The following FHL2 variants were observed in gnomAD, a reference collection of about 807,000 sequenced individuals.
FHL2 encodes four and a half LIM domains protein 2.
Under a neutral mutation model 32.7 loss-of-function variants are expected in FHL2, and 20 were observed. The observed-to-expected ratio is 0.61, with a 90% CI of 0.43 to 0.89. The LOEUF (loss-of-function observed/expected upper bound fraction) is 0.89, where lower values mean the gene tolerates loss of function less well. Ranked by LOEUF, FHL2 falls within the 40% of genes least tolerant of loss-of-function variation. The pLI is 0.00. For synonymous variants in FHL2, 123 were observed against 128.1 expected (o/e 0.96, Z 0.27); for missense variants, 311 against 358.6 (o/e 0.87, Z 1.07).
At chr2:105,358,656 C>T (rs1680105247), downstream of FHL2, 1 of 152,210 alleles carries the variant, frequency 6.6e-6, no homozygotes, top group South Asian at 2.1e-4. Flanking sequence ...TTGTATGCTT[C>T]TGGGGAAATT....
At chr2:105,433,462 G>A (rs555206609) in intron 1 of FHL2, among the ~76,000 whole-genome samples, 16 of 152,266 alleles carry the variant, frequency 1.1e-4, no homozygotes, top group Admixed American at 3.3e-4. Context: ...GATTACAGGC[G>A]TGAGCCACCG....
intron 2 of FHL2, among the ~76,000 whole-genome samples, chr2:105,388,412 A>G (rs1202203792): frequency 6.6e-6 from 1 of 152,164 alleles, no homozygotes; most frequent in African/African-American, 2.4e-5. Flanking sequence ...AAAGCCTACC[A>G]CAGGAATAGC....
chr2:105,398,503 C>T, intron 1 of FHL2, among the ~76,000 whole-genome samples: 1 of 152,200 alleles, frequency 6.6e-6, no homozygotes, highest in Non-Finnish European at 1.5e-5. Flanking sequence ...CGTCACCTCC[C>T]CGCAGCCGCC....
chr2:105,384,252 C>T (rs1682124367), intron 3 of FHL2, among the ~76,000 whole-genome samples: 1 of 152,258 alleles, frequency 6.6e-6, no homozygotes, highest in South Asian at 2.1e-4. Flanking sequence ...ATATTTTTCT[C>T]GGGCTATCTA....
chr2:105,418,433 A>C (rs891149025), intron 1 of FHL2, among the ~76,000 whole-genome samples: 5 of 51,914 alleles, frequency 9.6e-5, no homozygotes, highest in Admixed American at 2.5e-4. Flanking sequence ...AACATCAACA[A>C]AAAAAAAACA....
chr2:105,397,012 T>C, intron 1 of FHL2: 1 of 150,982 alleles, frequency 6.6e-6, no homozygotes, highest in Admixed American at 8.5e-5. Context: ...TCTAGTCTGT[T>C]TTTTTTTTTT....
In FHL2 at chr2:105,390,252, AAG is replaced by A. The variant is rs570006904; in HGVS notation, c.-24-3714_-24-3713del. The A allele has an allele frequency of 6.8e-3, 1,051 of 153,618 alleles. 6 individuals carry two copies. Among genetic ancestry groups the A allele is most frequent in the Non-Finnish European group, 9.7e-3 (661 of 68,250 alleles). 9.5% of individuals were successfully genotyped at this position (153,618 alleles called of 1,614,324 possible). A position where few individuals can be genotyped will look rare whatever the true frequency, so the allele number is the denominator to read the frequency against. On this transcript the variant is annotated intron_variant, in intron 2 of 6. Coordinates refer to ENST00000530340, the MANE Select transcript of FHL2 (RefSeq NM_001318895.3). ...TCTAAAAAAATAAAAAAATAAATCT[AAG>A]AGAATAAACTCTGAAAATAAGTAGG...
At chr2:105,401,544 T>C (rs1471896974), upstream of FHL2, among the ~76,000 whole-genome samples, 2 of 152,236 alleles carry the variant, frequency 1.3e-5, no homozygotes, top group Non-Finnish European at 2.9e-5. Context: ...GGAAATTATC[T>C]TGTAGATATA....
At chr2:105,397,136 T>C (rs1683195335) in intron 1 of FHL2, among the ~76,000 whole-genome samples, 1 of 150,584 alleles carries the variant, frequency 6.6e-6, no homozygotes, top group Non-Finnish European at 1.5e-5. Flanking sequence ...TAAGGCCTCA[T>C]AGAAATATTC....
intron 1 of FHL2, among the ~76,000 whole-genome samples, chr2:105,437,879 C>T (rs1286975139): frequency 1.3e-5 from 2 of 152,152 alleles, no homozygotes; most frequent in Non-Finnish European, 2.9e-5. Flanking sequence ...TGCGAAGAGT[C>T]ATGTTGCATA....
chr2:105,433,968 C>T (rs1684514726), intron 1 of FHL2, among the ~76,000 whole-genome samples: 1 of 152,032 alleles, frequency 6.6e-6, no homozygotes, highest in Non-Finnish European at 1.5e-5. Context: ...AAGTCATTAC[C>T]CACCCCTCAA....
At chr2:105,399,705 C>T (rs1340559306), upstream of FHL2, 21 of 1,358,166 alleles carry the variant, frequency 1.5e-5, no homozygotes, top group Non-Finnish European at 1.9e-5. Flanking sequence ...AAGCCCGGGC[C>T]CTCTGCGTGA....
chr2:105,414,197 G>A (rs150259405), intron 1 of FHL2, among the ~76,000 whole-genome samples: 13 of 152,286 alleles, frequency 8.5e-5, no homozygotes, highest in East Asian at 5.8e-4. Context: ...GGAAAGACAC[G>A]TGGAGCTTCT....
Position 105,361,319 on chromosome 2 carries a change from G to A in FHL2, c.804C>T (p.Asp268=), listed in dbSNP as rs3087523. ...TCCCACAGTCGGGGCACAGGATGTC[G>A]TCCCTCTCTGTGAGGAAGCCACGCC... The part of the protein sequence containing the change: ...LVGRGFLTER[D]DILCPDCGKD... Residue 268 remains aspartate, a synonymous_variant, in exon 7 of 7, where the codon GAC becomes GAT. Transcript: ENST00000530340. The A allele has an allele frequency of 0.11, 175,113 of 1,613,654 alleles. 10,367 individuals carry two copies. The highest frequency in any genetic ancestry group is 0.12 in the Non-Finnish European group (145,196 of 1,179,650).
chr2:105,422,380 A>T (rs1490800385), intron 1 of FHL2, among the ~76,000 whole-genome samples: 1 of 152,172 alleles, frequency 6.6e-6, no homozygotes, highest in Non-Finnish European at 1.5e-5. Flanking sequence ...ATGTGGATGG[A>T]TCCTTGGTGC....
intron 1 of FHL2, among the ~76,000 whole-genome samples, chr2:105,397,759 T>G (rs1321972435): frequency 6.6e-6 from 1 of 152,238 alleles, no homozygotes; most frequent in Non-Finnish European, 1.5e-5. Flanking sequence ...CAGTAACACT[T>G]GACAAAATTT....
At chr2:105,411,538 GTTTTTTTTTTT>G (rs9308884) in intron 1 of FHL2, among the ~76,000 whole-genome samples, 2 of 81,170 alleles carry the variant, frequency 2.5e-5, no homozygotes, top group East Asian at 4.0e-4. Flanking sequence ...TGAACTTAGG[GTTTTTTTTTTT>G]TTTTTTTTTT....
chr2:105,429,451 G>A (rs894404122), intron 1 of FHL2, among the ~76,000 whole-genome samples: 16 of 152,190 alleles, frequency 1.1e-4, no homozygotes, highest in African/African-American at 3.9e-4. Flanking sequence ...ATGGAGACAG[G>A]AGAGCCAGGG....
upstream of FHL2, among the ~76,000 whole-genome samples, chr2:105,402,168 T>C (rs1269479753): frequency 1.3e-5 from 2 of 149,820 alleles, no homozygotes; most frequent in African/African-American, 4.9e-5. Flanking sequence ...TGTATATGTA[T>C]ATATGTATCT....
Sources: gnomAD v4.1 joint callset for allele counts (sites outside exome capture counted in the v4.1 genomes callset) on GRCh38, gnomAD v4.1.1 for gene constraint, MANE v1.5 for transcripts, NCBI Gene and HGNC (gene_info 2026-07-23, HGNC 2026-07-21) for gene names.